DNAJC6: variants seen among roughly 807,000 people sequenced by gnomAD.
The protein encoded by DNAJC6 is DnaJ heat shock protein family (Hsp40) member C6, also known as auxilin.
In DNAJC6, 34 loss-of-function variants were observed where a neutral mutation model predicts 110.0. That is an observed-to-expected ratio of 0.31 (90% CI 0.24 to 0.41). DNAJC6 has a LOEUF of 0.41. Among genes scored for constraint, DNAJC6 ranks in the 10% least tolerant of loss-of-function variants. The probability of loss-of-function intolerance (pLI) is 1.00; values close to 1 mark genes in which losing one functional copy is unlikely to be tolerated. For missense variants in DNAJC6, 1,031 were observed against 1,207.8 expected (o/e 0.85, Z 2.17); for synonymous variants, 406 against 437.2 (o/e 0.93, Z 0.89).
At chr1:65,309,502 C>CCCCCCCGT, upstream of DNAJC6, 2 of 1,118,008 alleles carry the variant, frequency 1.8e-6, no homozygotes, top group Non-Finnish European at 2.2e-6. Flanking sequence ...CGCCCCCGCC[C>CCCCCCCGT]GGCCGCGTCT....
intron 13 of DNAJC6, among the ~76,000 whole-genome samples, chr1:65,397,457 A>G (rs1408825572): frequency 6.6e-6 from 1 of 152,244 alleles, no homozygotes; most frequent in Non-Finnish European, 1.5e-5. Context: ...AATAGAGACT[A>G]AAATATTAGG....
chr1:65,278,170 T>C (rs1314843899), intron 1 of DNAJC6, among the ~76,000 whole-genome samples: 2 of 152,238 alleles, frequency 1.3e-5, no homozygotes, highest in African/African-American at 4.8e-5. Context: ...GTCATTCTCA[T>C]GTGCTTCATG....
chr1:65,313,126 C>T (rs1645117324), intron 1 of DNAJC6, among the ~76,000 whole-genome samples: 1 of 152,038 alleles, frequency 6.6e-6, no homozygotes, highest in Non-Finnish European at 1.5e-5. Context: ...GATCATGGCT[C>T]ACTGCAGTCT....
intron 1 of DNAJC6, among the ~76,000 whole-genome samples, chr1:65,335,241 G>T (rs1258475880): frequency 6.6e-6 from 1 of 151,602 alleles, no homozygotes; most frequent in Non-Finnish European, 1.5e-5. Context: ...CCGAGTAGCT[G>T]GGACTACAGG....
chr1:65,316,984 G>C (rs186117857), intron 1 of DNAJC6, among the ~76,000 whole-genome samples: 1 of 151,648 alleles, frequency 6.6e-6, no homozygotes, highest in Admixed American at 6.6e-5. Context: ...TTAATGAACT[G>C]ACAATAGATG....
intron 1 of DNAJC6, among the ~76,000 whole-genome samples, chr1:65,358,000 G>A (rs1431651844): frequency 6.6e-6 from 1 of 151,840 alleles, no homozygotes; most frequent in Non-Finnish European, 1.5e-5. Context: ...CCAACATGGC[G>A]AAACCCCATC....
At chr1:65,268,495 G>T (rs1260273687) in intron 1 of DNAJC6, among the ~76,000 whole-genome samples, 2 of 152,126 alleles carry the variant, frequency 1.3e-5, no homozygotes, top group African/African-American at 4.8e-5. Flanking sequence ...TCTCTGGGAG[G>T]TGCTTTACAT....
At chr1:65,394,403 T>A (rs1376016578) in intron 12 of DNAJC6, among the ~76,000 whole-genome samples, 1 of 152,250 alleles carries the variant, frequency 6.6e-6, no homozygotes, top group African/African-American at 2.4e-5. Flanking sequence ...ATCCCAGGAC[T>A]TAACTGTCTG....
At chr1:65,271,979 C>A (rs1653521121) in intron 1 of DNAJC6, among the ~76,000 whole-genome samples, 1 of 151,882 alleles carries the variant, frequency 6.6e-6, no homozygotes, top group Non-Finnish European at 1.5e-5. Flanking sequence ...TTTTAGGGGC[C>A]TTACTATGTA....
chr1:65,351,924 C>T (rs1645493598), intron 1 of DNAJC6, among the ~76,000 whole-genome samples: 1 of 151,996 alleles, frequency 6.6e-6, no homozygotes, highest in Non-Finnish European at 1.5e-5. Context: ...ACCACCATGC[C>T]CGGCTAATTT....
At chr1:65,343,922 A>G (rs1023117744) in intron 1 of DNAJC6, among the ~76,000 whole-genome samples, 6 of 152,194 alleles carry the variant, frequency 3.9e-5, no homozygotes, top group Non-Finnish European at 8.8e-5. Context: ...AAAAGGCTTC[A>G]GTTTGTGAGT....
intron 1 of DNAJC6, among the ~76,000 whole-genome samples, chr1:65,300,501 A>G (rs920016361): frequency 6.6e-6 from 1 of 152,210 alleles, no homozygotes; most frequent in Admixed American, 6.5e-5. Flanking sequence ...TGGCAGGTCC[A>G]AGACATGAAA....
intron 1 of DNAJC6, among the ~76,000 whole-genome samples, chr1:65,318,504 A>T (rs1433541467): frequency 6.6e-6 from 1 of 152,248 alleles, no homozygotes; most frequent in African/African-American, 2.4e-5. Context: ...GTAAACACAG[A>T]TTCCCTACTA....
intron 5 of DNAJC6, among the ~76,000 whole-genome samples, chr1:65,381,164 G>A (rs761455370): frequency 1.7e-4 from 26 of 151,650 alleles, no homozygotes; most frequent in Non-Finnish European, 3.4e-4. Flanking sequence ...TGATCTGCCC[G>A]CCTTGGCCTC....
intron 1 of DNAJC6, among the ~76,000 whole-genome samples, chr1:65,341,455 A>T (rs1468280884): frequency 3.9e-5 from 6 of 152,054 alleles, no homozygotes; most frequent in Non-Finnish European, 7.4e-5. Flanking sequence ...GTTACCTGGG[A>T]TCTAAAAAGG....
intron 1 of DNAJC6, among the ~76,000 whole-genome samples, chr1:65,295,255 T>TC (rs1180331793): frequency 1.3e-5 from 2 of 152,218 alleles, no homozygotes; most frequent in Non-Finnish European, 2.9e-5. Flanking sequence ...ACACTGTTTT[T>TC]CCTATATACC....
chr1:65,302,090 T>TA (rs1644985332), intron 1 of DNAJC6, among the ~76,000 whole-genome samples: 2 of 54,722 alleles, frequency 3.7e-5, no homozygotes, highest in East Asian at 6.0e-4. Flanking sequence ...ATTATATATA[T>TA]TATATATATA....
At chr1:65,303,172 GT>G (rs1645005340) in intron 1 of DNAJC6, among the ~76,000 whole-genome samples, 1 of 152,122 alleles carries the variant, frequency 6.6e-6, no homozygotes, top group East Asian at 1.9e-4. Flanking sequence ...CCAAAATAAA[GT>G]TTTTTGGTAT....
At chr1:65,397,672 T>C (rs568070108) in intron 13 of DNAJC6, among the ~76,000 whole-genome samples, 2 of 152,240 alleles carry the variant, frequency 1.3e-5, no homozygotes, top group South Asian at 2.1e-4. Context: ...AAGACTAGGA[T>C]CAGAGCTTAA....
Sources: allele counts gnomAD v4.1 joint callset (sites outside exome capture counted in the v4.1 genomes callset), GRCh38; gene constraint gnomAD v4.1.1; transcripts MANE v1.5; gene names NCBI Gene and HGNC (gene_info 2026-07-23, HGNC 2026-07-21).